PYGB: variants seen among roughly 807,000 people sequenced by gnomAD.
The protein encoded by PYGB is glycogen phosphorylase B, also known as glycogen phosphorylase, brain form.
Under a neutral mutation model 94.3 loss-of-function variants are expected in PYGB, and 82 were observed. The ratio of observed to expected loss-of-function variants is 0.87; its 90% confidence interval spans 0.73 to 1.04. The LOEUF (loss-of-function observed/expected upper bound fraction) is 1.04, where lower values mean the gene tolerates loss of function less well. Among genes scored for constraint, PYGB ranks in the 50% least tolerant of loss-of-function variants. PYGB has a pLI of 0.00. For missense variants in PYGB, 1,132 were observed against 1,158.2 expected (o/e 0.98, Z 0.33); for synonymous variants, 488 against 479.1 (o/e 1.02, Z -0.24).
intron 14 of PYGB, 45 bp downstream of exon 14, chr20:25,284,296 G>A: frequency 6.3e-7 from 1 of 1,589,516 alleles, no homozygotes; most frequent in Non-Finnish European, 8.6e-7. Context: ...GGGGCCCAAG[G>A]CTTGCCCTTG....
chr20:25,292,442 C>T lies in PYGB; in HGVS notation c.2006C>T (p.Thr669Ile), dbSNP rs771551168. The change falls in exon 17 of 20, where the codon ACT (threonine) becomes ATT (isoleucine). Residue 669 changes from threonine to isoleucine, a missense_variant. Coordinates refer to ENST00000216962, the MANE Select transcript of PYGB (RefSeq NM_002862.4). Reference sequence around the variant, plus strand: ...GCTGATCTGTCGCAGCAGATCTCCACTGCAGGCACCGAGGCCTCAGGCACA... The same window carrying T: ...GCTGATCTGTCGCAGCAGATCTCCATTGCAGGCACCGAGGCCTCAGGCACA... ...PAADLSQQIS[T>I]AGTEASGTGN... The T allele has an allele frequency of 3.7e-6, 6 of 1,613,372 alleles. No homozygotes were observed. The Admixed American group carries it at 1.0e-4, about 27-fold the overall frequency.
At chr20:25,293,371 C>T (rs2088491396) in intron 17 of PYGB, among the ~76,000 whole-genome samples, 1 of 152,228 alleles carries the variant, frequency 6.6e-6, no homozygotes, top group Non-Finnish European at 1.5e-5. Flanking sequence ...GCCGTCAGGT[C>T]TCCCCAGTGT....
At chr20:25,276,022 C>G (rs545829509) in intron 5 of PYGB, among the ~76,000 whole-genome samples, 1 of 152,292 alleles carries the variant, frequency 6.6e-6, no homozygotes, top group Non-Finnish European at 1.5e-5. Context: ...GCTTTGTGAG[C>G]CCCCTCCTGC....
intron 7 of PYGB, 146 bp downstream of exon 7, chr20:25,277,472 A>G: frequency 1.4e-6 from 1 of 703,404 alleles, no homozygotes; most frequent in South Asian, 1.8e-5. Flanking sequence ...AGGTGCACAC[A>G]CGATGCCCTT....
In PYGB at chr20:25,265,573, T is replaced by G. The variant is rs530781779; in HGVS notation, c.346-3556T>G. On this transcript the variant is annotated intron_variant, in intron 2 of 19. Coordinates refer to ENST00000216962, the MANE Select transcript of PYGB (RefSeq NM_002862.4). ...CATTTACTCATTTTAAATCAGGTTG[T>G]TTGTTTTCTTGTTGTTGAATTTTTT... Among the ~76,000 whole-genome samples the G allele has an allele frequency of 6.5e-4, 99 of 151,688 alleles. 2 individuals are homozygous for G. The South Asian group carries it at 0.016, about 24-fold the overall frequency.
At chr20:25,296,282 G>A (rs945710611) in intron 19 of PYGB, 88 bp from the exon 20 acceptor site, 27 of 1,522,632 alleles carry the variant, frequency 1.8e-5, no homozygotes, top group African/African-American at 1.6e-4. Flanking sequence ...AGCTCATTTG[G>A]AAACAGTCCT....
Position 25,248,134 on chromosome 20 carries a change from G to C in PYGB, c.-45G>C. 6.5e-7 allele frequency: 1 copy of C among 1,532,396 alleles called. No homozygotes were observed. Among genetic ancestry groups the C allele is most frequent in the Middle Eastern group, 2.1e-4 (1 of 4,816 alleles). The allele number at this position is 1,532,396 out of a possible 1,614,324, so 94.9% of individuals were successfully genotyped here. On this transcript the variant is annotated 5_prime_UTR_variant, in exon 1 of 20. Coordinates refer to ENST00000216962, the MANE Select transcript of PYGB (RefSeq NM_002862.4). ...CACCATCCCGGCGTTCGCGTGTGCC[G>C]CCGCTTTCCTCCTCCATCTCTTTTC...
intron 1 of PYGB, among the ~76,000 whole-genome samples, chr20:25,250,253 C>G (rs925422598): frequency 1.3e-5 from 2 of 152,186 alleles, no homozygotes; most frequent in African/African-American, 4.8e-5. Context: ...AGCTCTACAC[C>G]TTAGGGTGCC....
At chr20:25,291,286 C>T (rs906110775) in intron 16 of PYGB, among the ~76,000 whole-genome samples, 6 of 152,170 alleles carry the variant, frequency 3.9e-5, no homozygotes, top group Admixed American at 3.3e-4. Context: ...CAGTTCCCAC[C>T]CCTGTGGGCT....
Position 25,284,280 on chromosome 20 carries a change from C to T in PYGB, c.1768+29C>T, listed in dbSNP as rs199814785. On this transcript the variant is annotated intron_variant, in intron 14 of 19. Transcript: ENST00000216962. ...AGTGCCGGCATCACCTGCATGACCG[C>T]GCTGTGGGGCCCAAGGCTTGCCCTT... is the stretch of plus-strand genomic sequence containing the variant. 2.7e-5 allele frequency: 43 copies of T among 1,600,686 alleles called. No homozygotes were observed. In the Admixed American group the frequency reaches 4.5e-4, roughly 17 times the overall value.
rs1293312653 is a variant in PYGB at position 25,278,214 on chromosome 20, C to T, written c.856-105C>T. On this transcript the variant is annotated intron_variant, in intron 7 of 19. Transcript: ENST00000216962. ...AGTGTCAGGCAGCTGGGCTGGGCTCCTCTCGGCCTTCTGCCTGCACCTTTG... is the reference window on the plus strand; with the variant it reads ...AGTGTCAGGCAGCTGGGCTGGGCTCTTCTCGGCCTTCTGCCTGCACCTTTG... The T allele has an allele frequency of 2.3e-6, 3 of 1,329,644 alleles. No homozygotes were observed. The East Asian group carries it at 7.7e-5, about 34-fold the overall frequency. The allele number at this position is 1,329,644 out of a possible 1,614,324, so 82.4% of individuals were successfully genotyped here.
chr20:25,272,381 T>C (rs1028972216), intron 4 of PYGB, among the ~76,000 whole-genome samples: 228 of 152,318 alleles, frequency 1.5e-3, no homozygotes, highest in African/African-American at 5.3e-3. Context: ...CCATGGCGTC[T>C]GTAAGACTCA....
At chr20:25,283,319 A>G in intron 13 of PYGB, 42 bp downstream of exon 13, 1 of 1,552,350 alleles carries the variant, frequency 6.4e-7, no homozygotes. Flanking sequence ...CAGCCCTCCC[A>G]CAACCAGGCA....
At chr20:25,254,472 A>G (rs555676608) in intron 1 of PYGB, among the ~76,000 whole-genome samples, 2 of 152,180 alleles carry the variant, frequency 1.3e-5, no homozygotes, top group Non-Finnish European at 2.9e-5. Flanking sequence ...GCAGAATGGC[A>G]TTCTTAGGAT....
intron 1 of PYGB, among the ~76,000 whole-genome samples, chr20:25,258,862 A>C (rs1347351447): frequency 6.6e-6 from 1 of 152,272 alleles, no homozygotes; most frequent in Non-Finnish European, 1.5e-5. Flanking sequence ...GATGTGAAGT[A>C]ACTTGCCCAA....
chr20:25,283,381 C>A (rs1354018736), intron 13 of PYGB, 104 bp downstream of exon 13: 1 of 991,308 alleles, frequency 1.0e-6, no homozygotes, highest in East Asian at 2.6e-5. Context: ...TCCTGGGGTA[C>A]CCACTGGGGC....
At chr20:25,262,698 A>C (rs879318481) in intron 2 of PYGB, among the ~76,000 whole-genome samples, 2 of 148,356 alleles carry the variant, frequency 1.3e-5, no homozygotes, top group South Asian at 2.1e-4. Context: ...AAGACCCATC[A>C]GTGTGCTGTA....
rs531461796 is a variant in PYGB, at chr20:25,290,330, G to A, written c.1828-151G>A. On this transcript the variant is annotated intron_variant, in intron 15 of 19. Coordinates refer to ENST00000216962, the MANE Select transcript of PYGB (RefSeq NM_002862.4). ...GCAGCAGAGCTGGGGCCTTGGGGCC[G>A]GGGAGCCTCCCTAGCTCCTCTACTG... The A allele has an allele frequency of 1.5e-5, 15 of 970,328 alleles. No individual in the cohort carries two copies. The East Asian group carries it at 3.5e-4, about 23-fold the overall frequency. 60.1% of individuals were successfully genotyped at this position (970,328 alleles called of 1,614,324 possible). A position where few individuals can be genotyped will look rare whatever the true frequency, so the allele number is the denominator to read the frequency against.
At position 25,248,266 on chromosome 20, in the gene PYGB, A is replaced by G. The variant is rs200154564; in HGVS notation, c.88A>G (p.Lys30Glu). Residue 30 changes from lysine (K) to glutamate (E), a missense_variant, in exon 1 of 20, where the codon AAG (lysine) becomes GAG (glutamate). Lys to Glu is a moderately conservative substitution (Grantham distance 56). Transcript: ENST00000216962. ...AGLGDVAEVR[K>E]SFNRHLHFTL... ...GCTAGGCGACGTGGCCGAGGTGCGG[A>G]AGAGCTTCAACCGGCACTTGCACTT... 6.2e-7 allele frequency: 1 copy of G among 1,600,874 alleles called. No homozygotes were observed. The highest frequency in any genetic ancestry group is 2.3e-5 in the East Asian group (1 of 43,576).
Sources: allele counts gnomAD v4.1 joint callset (sites outside exome capture counted in the v4.1 genomes callset), GRCh38; gene constraint gnomAD v4.1.1; transcripts MANE v1.5; gene names NCBI Gene and HGNC (gene_info 2026-07-23, HGNC 2026-07-21).